NPPC: variants seen among roughly 807,000 people sequenced by gnomAD.
NPPC encodes natriuretic peptide C, also known as C-type natriuretic peptide.
In NPPC, 4 loss-of-function variants were observed where a neutral mutation model predicts 10.2. The observed-to-expected ratio is 0.39, with a 90% CI of 0.19 to 0.90. The LOEUF (loss-of-function observed/expected upper bound fraction) is 0.90. NPPC is among the 40% of genes least tolerant of loss of function. NPPC has a pLI of 0.37. For synonymous variants in NPPC, 83 were observed against 87.3 expected (o/e 0.95, Z 0.27); for missense variants, 182 against 173.8 (o/e 1.05, Z -0.26).
At chr2:231,925,840 A>C (rs1691999625) in intron 1 of NPPC, 125 bp from the exon 2 acceptor site, 2 of 1,183,204 alleles carry the variant, frequency 1.7e-6, no homozygotes, top group Admixed American at 3.4e-5. Flanking sequence ...GCCCCCACCG[A>C]TGCCGGCCAG....
chr2:231,925,709 GCGGGA>G lies in NPPC; in HGVS notation c.92_96del (p.Val31AlafsTer111). The G allele has an allele frequency of 6.4e-7, 1 of 1,566,074 alleles. No homozygotes were observed. Among genetic ancestry groups the G allele is most frequent in the Non-Finnish European group, 8.6e-7 (1 of 1,160,628 alleles). Reference sequence around the variant, plus strand: ...GCCAGCTCCTCTGCCGGCGGGGTTCGCGGGACCTGTCCGAGGAAAGAGCGGGCAGG... The same window carrying G: ...GCCAGCTCCTCTGCCGGCGGGGTTCGCCTGTCCGAGGAAAGAGCGGGCAGG... On this transcript the variant is annotated frameshift_variant and splice_region_variant, in exon 2 of 3. Transcript: ENST00000409852. LOFTEE classifies it high-confidence loss of function.
chr2:231,926,032 C>T, intron 1 of NPPC, 128 bp downstream of exon 1: 1 of 768,804 alleles, frequency 1.3e-6, no homozygotes, highest in South Asian at 3.4e-5. Flanking sequence ...CCCCGGCTCT[C>T]GCCCACGCGC....
In NPPC at chr2:231,922,644, C is replaced by CT. The variant is rs574103521; in HGVS notation, c.*21-330dup. Reference sequence around the variant, plus strand: ...AAAGAGAATGGAAAATCTCCCATCCCTTTTTTGCTACAACGCAAACCCTCA... The same window carrying CT: ...AAAGAGAATGGAAAATCTCCCATCCCTTTTTTTGCTACAACGCAAACCCTCA... On this transcript the variant is annotated intron_variant, in intron 2 of 2. Transcript: ENST00000409852. Among the ~76,000 whole-genome samples, 12 of 152,282 alleles carry CT rather than the reference C, an allele frequency of 7.9e-5. No homozygotes were observed. In the South Asian group the frequency reaches 1.0e-3, roughly 13 times the overall value.
At chr2:231,924,684 T>C (rs1202198580) in intron 2 of NPPC, among the ~76,000 whole-genome samples, 1 of 152,018 alleles carries the variant, frequency 6.6e-6, no homozygotes, top group African/African-American at 2.4e-5. Flanking sequence ...TAGTGCGGGG[T>C]GAGACCCCAC....
chr2:231,923,855 A>G (rs1691963736), intron 2 of NPPC, among the ~76,000 whole-genome samples: 1 of 152,232 alleles, frequency 6.6e-6, no homozygotes, highest in Non-Finnish European at 1.5e-5. Flanking sequence ...AGTCACTAAC[A>G]TTTGCTCAGG....
Position 231,925,450 on chromosome 2 carries a change from C to G in NPPC, c.356G>C (p.Gly119Ala), listed in dbSNP as rs762258831. The change falls in exon 2 of 3, where the codon GGC becomes GCC. Residue 119 changes from glycine to alanine, a missense_variant. Gly to Ala is a moderately conservative substitution (Grantham distance 60). Transcript: ENST00000409852. ...CTAACATCCCAGGCCGCTCATGGAG[C>G]CGATTCGGTCCAGCTTGAGGCCGAA... ...GCFGLKLDRI[G>A]SMSGLGC is the part of the protein sequence containing the mutation. 3.1e-6 allele frequency: 5 copies of G among 1,609,136 alleles called. No individual in the cohort carries two copies. Among genetic ancestry groups the G allele is most frequent in the Non-Finnish European group, 4.2e-6 (5 of 1,177,986 alleles).
intron 2 of NPPC, among the ~76,000 whole-genome samples, chr2:231,924,302 G>C (rs1691969317): frequency 1.3e-5 from 2 of 152,250 alleles, no homozygotes; most frequent in South Asian, 2.1e-4. Flanking sequence ...CTGTGAAAAA[G>C]TGTTCTGTAC....
At chr2:231,923,226 G>A (rs563281319) in intron 2 of NPPC, among the ~76,000 whole-genome samples, 1 of 152,358 alleles carries the variant, frequency 6.6e-6, no homozygotes, top group African/African-American at 2.4e-5. Flanking sequence ...ACAGATGACA[G>A]CTGTCTGTGA....
At chr2:231,926,037 A>G in intron 1 of NPPC, 123 bp downstream of exon 1, 1 of 789,902 alleles carries the variant, frequency 1.3e-6, no homozygotes. Flanking sequence ...GCTCTCGCCC[A>G]CGCGCATCTC....
Position 231,925,487 on chromosome 2 carries a change from A to G in NPPC, c.319T>C (p.Ser107Pro). 1 of 1,613,020 alleles carries G rather than the reference A, an allele frequency of 6.2e-7. No individual in the cohort carries two copies. Among genetic ancestry groups the G allele is most frequent in the South Asian group, 1.1e-5 (1 of 91,000 alleles). Residue 107 changes from serine to proline, a missense_variant, in exon 2 of 3, where the codon TCC becomes CCC. Physicochemically the swap from Ser to Pro is moderately conservative, Grantham distance 74 (BLOSUM62 -1). Coordinates refer to ENST00000409852, the MANE Select transcript of NPPC (RefSeq NM_024409.4). ...KYKGANKKGL[S>P]KGCFGLKLDR... ...AGCTTGAGGCCGAAGCAGCCCTTGGACAAGCCCTTCTTGTTGGCTCCTTTG... is the reference window on the plus strand; with the variant it reads ...AGCTTGAGGCCGAAGCAGCCCTTGGGCAAGCCCTTCTTGTTGGCTCCTTTG...
Position 231,925,665 on chromosome 2 carries a change from GCC to G in NPPC, c.139_140del (p.Gly47ArgfsTer96). On this transcript the variant is annotated frameshift_variant, in exon 2 of 3. Transcript: ENST00000409852. LOFTEE classifies it high-confidence loss of function. Reference sequence around the variant, plus strand: ...CCTTGTCGCCCTTCTTCTGACCGCCGCCCGCAGCCTGCGGCTCGGCCAGCTCC... The same window carrying G: ...CCTTGTCGCCCTTCTTCTGACCGCCGCGCAGCCTGCGGCTCGGCCAGCTCC... ...AEELAEPQAA[G>X]GGQKKGDKAP... 6.2e-7 allele frequency: 1 copy of G among 1,600,266 alleles called. No homozygotes were observed. The highest frequency in any genetic ancestry group is 1.1e-5 in the South Asian group (1 of 89,446).
chr2:231,922,497 T>TC lies in NPPC; in HGVS notation c.*21-183dup, dbSNP rs547626244. On this transcript the variant is annotated intron_variant, in intron 2 of 2. Transcript: ENST00000409852. ...AGGGGAGGAGCCCCCCATTGCGCAC[T>TC]CCCCAGGCCCCTTCTGCTTTGCTGC... is the stretch of plus-strand genomic sequence containing the variant. Among the ~76,000 whole-genome samples, 763 of 151,104 alleles carry TC rather than the reference T, an allele frequency of 5.0e-3. 6 individuals are homozygous for TC. Among genetic ancestry groups the TC allele is most frequent in the Middle Eastern group, 0.01 (3 of 292 alleles).
At chr2:231,925,746 G>T (rs761373571) in intron 1 of NPPC, 31 bp from the exon 2 acceptor site, 1 of 1,502,680 alleles carries the variant, frequency 6.7e-7, no homozygotes, top group Non-Finnish European at 8.8e-7. Context: ...CAGGTGAAGG[G>T]ACACGCGGCT....
intron 2 of NPPC, among the ~76,000 whole-genome samples, chr2:231,924,205 G>C (rs971873733): frequency 6.6e-6 from 1 of 152,254 alleles, no homozygotes; most frequent in African/African-American, 2.4e-5. Context: ...CCACGAGTCT[G>C]TTCGGGGTGC....
At chr2:231,925,330 C>G in intron 2 of NPPC, 75 bp downstream of exon 2, 7 of 1,277,478 alleles carry the variant, frequency 5.5e-6, no homozygotes, top group Non-Finnish European at 7.1e-6. Flanking sequence ...GCGGCTCGCG[C>G]GCCTCCGAAG....
In NPPC at chr2:231,922,331, A is replaced by G. The variant is rs1339617556; in HGVS notation, c.*21-16T>C. 3.3e-5 allele frequency: 5 copies of G among 152,212 alleles called. No individual in the cohort carries two copies. Among genetic ancestry groups the G allele is most frequent in the Non-Finnish European group, 7.3e-5 (5 of 68,038 alleles). 9.4% of individuals were successfully genotyped at this position (152,212 alleles called of 1,614,324 possible). On this transcript the variant is annotated splice_polypyrimidine_tract_variant and intron_variant, in intron 2 of 2. Transcript: ENST00000409852. ...GTTCCCGATCCTGAAACACAGAGTG[A>G]ACACGGGACGCTCAGTTCTGGCCCC...
chr2:231,922,529 A>G (rs191467537), intron 2 of NPPC, among the ~76,000 whole-genome samples: 1 of 152,138 alleles, frequency 6.6e-6, no homozygotes, highest in African/African-American at 2.4e-5. Flanking sequence ...CTGCCCCAGT[A>G]CAAGTGGAAC....
chr2:231,923,560 AAAT>A (rs1003464109), intron 2 of NPPC, among the ~76,000 whole-genome samples: 13 of 152,192 alleles, frequency 8.5e-5, no homozygotes, highest in African/African-American at 3.1e-4. Context: ...AAAAAATCCC[AAAT>A]AATAAATCCA....
chr2:231,923,491 T>C (rs1691958019), intron 2 of NPPC, among the ~76,000 whole-genome samples: 1 of 152,228 alleles, frequency 6.6e-6, no homozygotes, highest in Non-Finnish European at 1.5e-5. Context: ...GCAGGAATGA[T>C]GTTCTGCTCT....
Sources: gnomAD v4.1 joint callset for allele counts (sites outside exome capture counted in the v4.1 genomes callset) on GRCh38, gnomAD v4.1.1 for gene constraint, MANE v1.5 for transcripts, NCBI Gene and HGNC (gene_info 2026-07-23, HGNC 2026-07-21) for gene names.